The following WDR33 variants were observed in gnomAD, a reference collection of about 807,000 sequenced individuals.
WDR33 encodes pre-mRNA 3' end processing protein WDR33.
Under a neutral mutation model 164.9 loss-of-function variants are expected in WDR33, and 47 were observed. The ratio of observed to expected loss-of-function variants is 0.29; its 90% CI spans 0.23 to 0.36. The LOEUF (loss-of-function observed/expected upper bound fraction) is 0.36. Ranked by LOEUF, WDR33 falls within the 10% of genes least tolerant of loss-of-function variation. The pLI is 1.00. For missense variants in WDR33, 1,137 were observed against 1,754.1 expected (o/e 0.65, Z 6.28); for synonymous variants, 505 against 589.0 (o/e 0.86, Z 2.06).
rs1164381070 is a variant in WDR33, at chr2:127,706,699, G to A, written c.3782-147C>T. On this transcript the variant is annotated intron_variant, in intron 21 of 21. Coordinates refer to ENST00000322313, the MANE Select transcript of WDR33 (RefSeq NM_018383.5). This position sits in a 1 kb window ranked among gnomAD's most constrained non-coding sequence, Gnocchi z 5.1. ...GCAGTGGTATTCAGCGTACTGAGAG[G>A]TGTGCCTCTACCCTTTCCTGACCCT... 7 of 723,802 alleles carry A rather than the reference G, an allele frequency of 9.7e-6. 1 individual carries two copies. The highest frequency in any genetic ancestry group is 1.5e-5 in the Non-Finnish European group (7 of 458,532). The allele number at this position is 723,802 out of a possible 1,614,324, so 44.8% of individuals were successfully genotyped here. A position where few individuals can be genotyped will look rare whatever the true frequency, so the allele number is the denominator to read the frequency against.
Position 127,724,110 on chromosome 2 carries a change from CTGTTT to C in WDR33, c.1196+218_1196+222del, listed in dbSNP as rs1176014401. 6.6e-6 allele frequency among the ~76,000 whole-genome samples: 1 copy of C among 152,124 alleles called. No homozygotes were observed. The highest frequency in any genetic ancestry group is 1.5e-5 in the Non-Finnish European group (1 of 68,020). ...ATAAATAAATAAAAGTGGAAAACTT[CTGTTT>C]TAAGTCAGAAGGCAAAACAAAATTT... is the stretch of plus-strand genomic sequence containing the variant. On this transcript the variant is annotated intron_variant, in intron 11 of 21. Coordinates refer to ENST00000322313, the MANE Select transcript of WDR33 (RefSeq NM_018383.5). The surrounding 1 kb of genome is among the most constrained non-coding windows in gnomAD (Gnocchi z 4.8).
rs1295836737 is a variant in WDR33, at chr2:127,701,810, C to T, written c.*4513G>A. On this transcript the variant is annotated 3_prime_UTR_variant, in exon 22 of 22. Transcript: ENST00000322313. ...TGGCTGCACTGTGTTTCGGCCTAGC[C>T]GCGCTCTACGCACCGGTGTTGCTGC... is the stretch of plus-strand genomic sequence containing the variant. The T allele has an allele frequency of 6.9e-7, 1 of 1,456,468 alleles. No individual in the cohort carries two copies. The highest frequency in any genetic ancestry group is 9.0e-7 in the Non-Finnish European group (1 of 1,108,438). 90.2% of individuals were successfully genotyped at this position (1,456,468 alleles called of 1,614,324 possible). A position where few individuals can be genotyped will look rare whatever the true frequency, so the allele number is the denominator to read the frequency against.
rs1194439360 is a variant in WDR33, at chr2:127,706,584, T to C, written c.3782-32A>G. On this transcript the variant is annotated intron_variant, in intron 21 of 21. Transcript: ENST00000322313. This position sits in a 1 kb window ranked among gnomAD's most constrained non-coding sequence, Gnocchi z 5.1. ...CAAAGAAAATTTCACATGGGACTTT[T>C]TGTATTAGCAACTGTTTGTCAGTAA... The C allele has an allele frequency of 3.2e-6, 5 of 1,575,620 alleles. No individual in the cohort carries two copies.
Position 127,702,481 on chromosome 2 carries a change from A to AG in WDR33, c.*3841dup. On this transcript the variant is annotated 3_prime_UTR_variant, in exon 22 of 22. Coordinates refer to ENST00000322313, the MANE Select transcript of WDR33 (RefSeq NM_018383.5). ...TTGCTTTCGAAGTAACTGTGGTCTT[A>AG]GGTTCGGCTGAGTAAAGAAAAAGGA... 1 of 217,648 alleles carries AG rather than the reference A, an allele frequency of 4.6e-6. No individual in the cohort carries two copies. The highest frequency in any genetic ancestry group is 1.2e-4 in the East Asian group (1 of 8,382). 13.5% of individuals were successfully genotyped at this position (217,648 alleles called of 1,614,324 possible). A position where few individuals can be genotyped will look rare whatever the true frequency, so the allele number is the denominator to read the frequency against.
intron 7 of WDR33, among the ~76,000 whole-genome samples, chr2:127,751,169 T>C (rs1013250448): frequency 2.0e-5 from 3 of 151,864 alleles, no homozygotes; most frequent in African/African-American, 4.8e-5. Flanking sequence ...AAGACCAGCC[T>C]AGGCAACATG....
chr2:127,789,577 G>A (rs906081679), intron 1 of WDR33, among the ~76,000 whole-genome samples: 20 of 150,346 alleles, frequency 1.3e-4, no homozygotes, highest in African/African-American at 4.6e-4. Flanking sequence ...TGCAATGGCA[G>A]GCACTCGGCA....
intron 17 of WDR33, among the ~76,000 whole-genome samples, chr2:127,715,567 C>A (rs1294746831): frequency 1.3e-5 from 2 of 152,170 alleles, no homozygotes; most frequent in East Asian, 3.8e-4. Context: ...TTGCAAAGAT[C>A]CTAGCTCCAT....
chr2:127,807,258 G>A (rs774175067), intron 1 of WDR33, among the ~76,000 whole-genome samples: 14 of 151,954 alleles, frequency 9.2e-5, no homozygotes, highest in Admixed American at 2.6e-4. Flanking sequence ...CACCTGCCTC[G>A]GCCTCCCAAA....
intron 7 of WDR33, among the ~76,000 whole-genome samples, chr2:127,750,663 AAAAAAAAAAAAAAAATATATATATAT>A (rs1687299639): frequency 6.1e-5 from 4 of 65,970 alleles, no homozygotes; most frequent in South Asian, 7.3e-4. Context: ...AAAAAAAAAA[AAAAAAAAAAAAAAAATATATATATAT>A]ATATATATAT....
In WDR33 at chr2:127,723,027, T is replaced by C; in HGVS notation, c.1309A>G (p.Ser437Gly). 1 of 1,612,338 alleles carries C rather than the reference T, an allele frequency of 6.2e-7. No individual in the cohort carries two copies. Among genetic ancestry groups the C allele is most frequent in the Non-Finnish European group, 8.5e-7 (1 of 1,179,366 alleles). ...GVEYDDLEPNSLAVIPGMGIP... is the reference protein window; with the variant it reads ...GVEYDDLEPNGLAVIPGMGIP... ...CCCATTCCTGGAATTACTGCCAGGCTATTAGGTTCGAGGTCATCTATAAAT... is the reference window on the plus strand; with the variant it reads ...CCCATTCCTGGAATTACTGCCAGGCCATTAGGTTCGAGGTCATCTATAAAT... Residue 437 changes from serine to glycine, a missense_variant, in exon 13 of 22, where the codon AGC becomes GGC. Transcript: ENST00000322313. The surrounding 1 kb of genome is among the most constrained non-coding windows in gnomAD (Gnocchi z 5.9).
intron 7 of WDR33, among the ~76,000 whole-genome samples, chr2:127,746,763 C>T (rs1408547299): frequency 2.0e-5 from 3 of 152,228 alleles, no homozygotes; most frequent in African/African-American, 7.2e-5. Context: ...GGAGGTTTAA[C>T]AACATTAATA....
In WDR33 at chr2:127,764,758, C is replaced by A; in HGVS notation, c.626+70G>T. 1 of 1,614,118 alleles carries A rather than the reference C, an allele frequency of 6.2e-7. No homozygotes were observed. The highest frequency in any genetic ancestry group is 1.1e-5 in the South Asian group (1 of 91,082). ...GACAGAGCCCATGCATCTCTGCACC[C>A]AGAATACACTTAGAGAATAATTTAA... On this transcript the variant is annotated intron_variant, in intron 6 of 21. Transcript: ENST00000322313. The surrounding 1 kb of genome is among the most constrained non-coding windows in gnomAD (Gnocchi z 6.2).
Position 127,808,844 on chromosome 2 carries a change from C to A in WDR33, c.-24+2168G>T, listed in dbSNP as rs183564308. On this transcript the variant is annotated intron_variant, in intron 1 of 21. Coordinates refer to ENST00000322313, the MANE Select transcript of WDR33 (RefSeq NM_018383.5). ...AGGAGATCGAGACCATCCTAGCTAA[C>A]ACGGTGAAATCCCGTCTCTACTAAA... Among the ~76,000 whole-genome samples, 862 of 152,236 alleles carry A rather than the reference C, an allele frequency of 5.7e-3. 1 individual carries two copies. Among genetic ancestry groups the A allele is most frequent in the Non-Finnish European group, 9.3e-3 (632 of 68,012 alleles).
Position 127,735,727 on chromosome 2 carries a change from C to T in WDR33, c.725-8950G>A, listed in dbSNP as rs1686821647. 2.0e-6 allele frequency: 2 copies of T among 985,592 alleles called. No homozygotes were observed. The highest frequency in any genetic ancestry group is 1.1e-4 in the East Asian group (1 of 8,820). The allele number at this position is 985,592 out of a possible 1,614,324, so 61.1% of individuals were successfully genotyped here. A position where few individuals can be genotyped will look rare whatever the true frequency, so the allele number is the denominator to read the frequency against. On this transcript the variant is annotated intron_variant, in intron 7 of 21. Transcript: ENST00000322313. The surrounding 1 kb of genome is among the most constrained non-coding windows in gnomAD (Gnocchi z 4.3). ...CCCATAGCCAGATACTCCAGTTGGA[C>T]AGAGGATTTAAGATTTTAAAAAATT... is the stretch of plus-strand genomic sequence containing the variant.
chr2:127,790,118 T>A (rs911652417), intron 1 of WDR33, among the ~76,000 whole-genome samples: 2 of 152,120 alleles, frequency 1.3e-5, no homozygotes, highest in Non-Finnish European at 2.9e-5. Context: ...ATTACAGGCA[T>A]GAGCCACCAC....
At chr2:127,734,210 T>C (rs879448774) in intron 7 of WDR33, among the ~76,000 whole-genome samples, 7 of 152,250 alleles carry the variant, frequency 4.6e-5, no homozygotes, top group Non-Finnish European at 7.3e-5. Flanking sequence ...TTGTTCGGAA[T>C]GAAGGAATGT....
In WDR33 at chr2:127,793,598, G is replaced by A. The variant is rs146141384; in HGVS notation, c.-24+17414C>T. Among the ~76,000 whole-genome samples, 350 of 151,984 alleles carry A rather than the reference G, an allele frequency of 2.3e-3. 2 individuals are homozygous for A. Among genetic ancestry groups the A allele is most frequent in the Non-Finnish European group, 3.7e-3 (249 of 67,980 alleles). Reference sequence around the variant, plus strand: ...TCTACAAAAATAAAATAAATTAGCCGGGCATGGTGGCAGGTACTTGTGGTC... The same window carrying A: ...TCTACAAAAATAAAATAAATTAGCCAGGCATGGTGGCAGGTACTTGTGGTC... On this transcript the variant is annotated intron_variant, in intron 1 of 21. Coordinates refer to ENST00000322313, the MANE Select transcript of WDR33 (RefSeq NM_018383.5).
chr2:127,761,029 GTTC>G (rs997414018), intron 7 of WDR33, among the ~76,000 whole-genome samples: 3 of 152,104 alleles, frequency 2.0e-5, no homozygotes, highest in African/African-American at 7.2e-5. Context: ...TCAAAGGAAA[GTTC>G]TTAATGAAAC....
At chr2:127,728,674 T>A (rs1290808724) in intron 7 of WDR33, among the ~76,000 whole-genome samples, 1 of 152,136 alleles carries the variant, frequency 6.6e-6, no homozygotes, top group Non-Finnish European at 1.5e-5. Context: ...TATTTGCCCC[T>A]GAAAAGGTAG....
Sources: gnomAD v4.1 joint callset for allele counts (sites outside exome capture counted in the v4.1 genomes callset) on GRCh38, gnomAD v4.1.1 for gene constraint, Gnocchi (gnomAD v3.1) non-coding constraint, MANE v1.5 for transcripts, NCBI Gene and HGNC (gene_info 2026-07-23, HGNC 2026-07-21) for gene names.